Variants in MALRD1 observed in about 807,000 individuals in gnomAD.
MALRD1 encodes MAM and LDL-receptor class A domain-containing protein 1.
A neutral mutation model predicts 242.1 loss-of-function variants in MALRD1; 247 were observed. The observed-to-expected ratio is 1.02, with a 90% confidence interval of 0.92 to 1.13. The LOEUF (loss-of-function observed/expected upper bound fraction) is 1.13. MALRD1 is among the 50% of genes most tolerant of loss of function. The pLI is 0.00. For missense variants in MALRD1, 2,989 were observed against 2,533.1 expected, an observed-to-expected ratio of 1.18 and a Z score of -3.86; for synonymous variants, 995 against 866.6, an observed-to-expected ratio of 1.15 and a Z score of -2.60.
At chr10:19,201,767 T>A (rs1836549570) in intron 14 of MALRD1, among the ~76,000 whole-genome samples, 1 of 152,224 alleles carries the variant, frequency 6.6e-6, no homozygotes, top group African/African-American at 2.4e-5. Context: ...TTATCTTTAA[T>A]TTTTGAGCAG....
chr10:19,175,463 AATAT>A (rs376874358), intron 14 of MALRD1, 135 bp downstream of exon 14: 129 of 202,486 alleles, frequency 6.4e-4, no homozygotes, highest in Middle Eastern at 4.5e-3. Context: ...TGAAACCTAA[AATAT>A]ATATATATAT....
At chr10:19,056,591 C>T (rs947137591) in intron 1 of MALRD1, among the ~76,000 whole-genome samples, 1 of 151,738 alleles carries the variant, frequency 6.6e-6, no homozygotes, top group Non-Finnish European at 1.5e-5. Flanking sequence ...TTTGTTAAGT[C>T]TTTTGGGTTT....
Position 19,595,545 on chromosome 10 carries a change from C to G in MALRD1, c.5944+88C>G, listed in dbSNP as rs1181782881. ...AGCTCGACAGATAAAATGAAGTTCTCTAGAGCCTTACCGTGATTGTATCAT... is the reference window on the plus strand; with the variant it reads ...AGCTCGACAGATAAAATGAAGTTCTGTAGAGCCTTACCGTGATTGTATCAT... On this transcript the variant is annotated intron_variant, in intron 34 of 39. Transcript: ENST00000454679. The G allele has an allele frequency of 8.0e-6, 11 of 1,371,048 alleles. No homozygotes were observed. The South Asian group carries it at 1.5e-4, about 18-fold the overall frequency. 84.9% of individuals were successfully genotyped at this position (1,371,048 alleles called of 1,614,324 possible).
intron 29 of MALRD1, among the ~76,000 whole-genome samples, chr10:19,477,913 A>G (rs1730756771): frequency 1.3e-5 from 2 of 152,216 alleles, no homozygotes; most frequent in African/African-American, 4.8e-5. Flanking sequence ...ACAAAAGGGA[A>G]GTTGGAGCTG....
At chr10:19,270,840 A>ACACACG (rs1321040728) in intron 19 of MALRD1, among the ~76,000 whole-genome samples, 1 of 150,730 alleles carries the variant, frequency 6.6e-6, no homozygotes, top group Non-Finnish European at 1.5e-5. Flanking sequence ...ACACACACAC[A>ACACACG]CACGCACACA....
intron 28 of MALRD1, among the ~76,000 whole-genome samples, chr10:19,449,534 T>A (rs1337577141): frequency 6.7e-6 from 1 of 149,482 alleles, no homozygotes; most frequent in African/African-American, 2.6e-5. Context: ...TCTGTTTTGG[T>A]GAGATAAACT....
intron 19 of MALRD1, among the ~76,000 whole-genome samples, chr10:19,265,403 C>G (rs1839932046): frequency 6.6e-6 from 1 of 151,696 alleles, no homozygotes; most frequent in South Asian, 2.1e-4. Flanking sequence ...TTGCTGTATC[C>G]CGTAAGTTTT....
chr10:19,200,411 G>C (rs1456847885), intron 14 of MALRD1, among the ~76,000 whole-genome samples: 1 of 152,130 alleles, frequency 6.6e-6, no homozygotes, highest in South Asian at 2.1e-4. Flanking sequence ...ACTGTTCAAA[G>C]TTCAACCACA....
chr10:19,283,011 C>A lies in MALRD1; in HGVS notation c.3257-8C>A, dbSNP rs11009290. ...AGCTCACCTTTTCTTTGTTCTACCC[C>A]ATCCAAGTTATGGAAGTTTGCAGCT... On this transcript the variant is annotated splice_region_variant and splice_polypyrimidine_tract_variant and intron_variant, in intron 20 of 39. Coordinates refer to ENST00000454679, the MANE Select transcript of MALRD1 (RefSeq NM_001142308.3). The A allele has an allele frequency of 6.5e-7, 1 of 1,534,574 alleles. No individual in the cohort carries two copies. Among genetic ancestry groups the A allele is most frequent in the Non-Finnish European group, 8.8e-7 (1 of 1,137,610 alleles).
In MALRD1 at chr10:19,209,287, C is replaced by T; in HGVS notation, c.2598C>T (p.Asn866=). Residue 866 remains asparagine, a synonymous_variant, in exon 18 of 40, where the codon AAC becomes AAT. Transcript: ENST00000454679. ...EVNCAPELQC[N]FETGICNWEQ... ...TTTCAGCACCTGAGCTGCAGTGTAA[C>T]TTTGAAACTGGAATCTGTAACTGGG... is the stretch of plus-strand genomic sequence containing the variant. 6.5e-7 allele frequency: 1 copy of T among 1,541,012 alleles called. No homozygotes were observed. Among genetic ancestry groups the T allele is most frequent in the Non-Finnish European group, 8.7e-7 (1 of 1,143,280 alleles).
intron 33 of MALRD1, among the ~76,000 whole-genome samples, chr10:19,575,133 G>A (rs1836743003): frequency 6.6e-6 from 1 of 152,134 alleles, no homozygotes; most frequent in South Asian, 2.1e-4. Context: ...GGTTTGAATT[G>A]CCCCGTTTCA....
chr10:19,477,590 C>T (rs1332468438), intron 29 of MALRD1, among the ~76,000 whole-genome samples: 1 of 152,088 alleles, frequency 6.6e-6, no homozygotes, highest in East Asian at 1.9e-4. Context: ...GATGCAGACA[C>T]ACAAGAAGTG....
rs531770501 is a variant in MALRD1 at position 19,333,811 on chromosome 10, T to C, written c.3901+2229T>C. ...TCTCGGTAACCTCGCCAACATCTGT[T>C]CTTTTTTGGCTTTTTAATAAAGGCA... On this transcript the variant is annotated intron_variant, in intron 24 of 39. Transcript: ENST00000454679. 2.6e-4 allele frequency among the ~76,000 whole-genome samples: 40 copies of C among 152,076 alleles called. 1 individual carries two copies. The highest frequency in any genetic ancestry group is 5.3e-4 in the Non-Finnish European group (36 of 68,010).
At chr10:19,287,493 G>A (rs1841181283) in intron 21 of MALRD1, among the ~76,000 whole-genome samples, 1 of 152,042 alleles carries the variant, frequency 6.6e-6, no homozygotes, top group Non-Finnish European at 1.5e-5. Flanking sequence ...GATATTGCAT[G>A]ATGATTGTTT....
At chr10:19,222,766 G>C (rs10827082) in intron 18 of MALRD1, among the ~76,000 whole-genome samples, 17,662 of 151,898 alleles carry the variant, frequency 0.12, 1,092 homozygotes, top group Admixed American at 0.18. Context: ...TTTTTGTTAA[G>C]TACCATAACA....
In MALRD1 at chr10:19,050,333, C is replaced by T. The variant is rs560148821; in HGVS notation, c.199+1196C>T. On this transcript the variant is annotated intron_variant, in intron 1 of 39. Coordinates refer to ENST00000454679, the MANE Select transcript of MALRD1 (RefSeq NM_001142308.3). ...CGATCTCCTGACCTCGTGATCCGCC[C>T]GCCTCGGCCTCCCAAAGTGCTGGGA... Among the ~76,000 whole-genome samples, 356 of 150,896 alleles carry T rather than the reference C, an allele frequency of 2.4e-3. 2 individuals carry two copies. Among genetic ancestry groups the T allele is most frequent in the African/African-American group, 8.1e-3 (336 of 41,238 alleles).
chr10:19,343,877 A>G (rs953596843), intron 24 of MALRD1, among the ~76,000 whole-genome samples: 31 of 152,136 alleles, frequency 2.0e-4, no homozygotes, highest in Non-Finnish European at 4.1e-4. Flanking sequence ...ACTGAGGAGT[A>G]ATATCTCACC....
chr10:19,625,631 C>T (rs1011636517), intron 36 of MALRD1, among the ~76,000 whole-genome samples: 5 of 152,102 alleles, frequency 3.3e-5, no homozygotes, highest in Admixed American at 6.6e-5. Flanking sequence ...TCTCTAAGGC[C>T]GAAGATGAAA....
chr10:19,079,382 T>C (rs146332724), intron 2 of MALRD1, among the ~76,000 whole-genome samples: 2 of 151,970 alleles, frequency 1.3e-5, no homozygotes, highest in East Asian at 3.9e-4. Context: ...TTCAGATTTG[T>C]TTTCTGACCT....
Sources: allele counts gnomAD v4.1 joint callset (sites outside exome capture counted in the v4.1 genomes callset), GRCh38; gene constraint gnomAD v4.1.1; transcripts MANE v1.5; gene names NCBI Gene and HGNC (gene_info 2026-07-23, HGNC 2026-07-21).